ABLIM2: variants seen among roughly 807,000 people sequenced by gnomAD.
ABLIM2 encodes actin binding LIM protein family member 2.
ABLIM2 carries 53 observed loss-of-function variants against 97.7 expected under a neutral mutation model. The ratio of observed to expected loss-of-function variants is 0.54; its 90% CI spans 0.44 to 0.68. The LOEUF is 0.68. ABLIM2 is among the 30% of genes least tolerant of loss of function. ABLIM2 has a pLI of 0.00. For synonymous variants in ABLIM2, 361 were observed against 345.8 expected, an observed-to-expected ratio of 1.04 and a Z score of -0.49; for missense variants, 835 against 867.2, an observed-to-expected ratio of 0.96 and a Z score of 0.47.
rs962593508 is a variant in ABLIM2, at chr4:8,033,381, C to T, written c.1047+2768G>A. On this transcript the variant is annotated intron_variant, in intron 10 of 20. Coordinates refer to ENST00000447017, the MANE Select transcript of ABLIM2 (RefSeq NM_001130083.2). The surrounding 1 kb of genome is among the most constrained non-coding windows in gnomAD (Gnocchi z 4.5). The stretch of plus-strand genomic sequence containing the variant: ...CTCGACGGCCTCTGGGAGGCTGCCA[C>T]GGGCCCTGTGAAGCCCTGTGCCATG... Among the ~76,000 whole-genome samples, 7 of 152,178 alleles carry T rather than the reference C, an allele frequency of 4.6e-5. No homozygotes were observed. Among genetic ancestry groups the T allele is most frequent in the Non-Finnish European group, 8.8e-5 (6 of 68,026 alleles).
intron 8 of ABLIM2, among the ~76,000 whole-genome samples, chr4:8,047,273 C>T (rs1050625938): frequency 2.6e-5 from 4 of 152,160 alleles, no homozygotes; most frequent in Non-Finnish European, 4.4e-5. Context: ...CCTCTGCACT[C>T]GCCTCCGCTC....
chr4:8,048,649 T>G (rs927026322), intron 8 of ABLIM2, among the ~76,000 whole-genome samples: 1 of 152,048 alleles, frequency 6.6e-6, no homozygotes, highest in Non-Finnish European at 1.5e-5. Flanking sequence ...CCGCGTTTGG[T>G]CTCCACAAGC....
chr4:8,118,934 C>T (rs1411010333), intron 1 of ABLIM2, among the ~76,000 whole-genome samples: 1 of 152,212 alleles, frequency 6.6e-6, no homozygotes, highest in Non-Finnish European at 1.5e-5. Context: ...CCTTATTTTA[C>T]AGACGCAAAA....
rs572502829 is a variant in ABLIM2 at position 8,021,289 on chromosome 4, G to A, written c.1268-986C>T. ...GTTGGATTATCAAGTCACGCATCCA[G>A]AGGGCCGAGGTGACCTGGGTGACGC... On this transcript the variant is annotated intron_variant, in intron 12 of 20. Coordinates refer to ENST00000447017, the MANE Select transcript of ABLIM2 (RefSeq NM_001130083.2). This position sits in a 1 kb window ranked among gnomAD's most constrained non-coding sequence, Gnocchi z 5.5. 4.3e-4 allele frequency among the ~76,000 whole-genome samples: 65 copies of A among 152,316 alleles called. No individual in the cohort carries two copies. Among genetic ancestry groups the A allele is most frequent in the African/African-American group, 1.5e-3 (61 of 41,576 alleles).
chr4:8,107,979 G>A (rs1838304423), intron 1 of ABLIM2, among the ~76,000 whole-genome samples: 1 of 152,218 alleles, frequency 6.6e-6, no homozygotes, highest in African/African-American at 2.4e-5. Context: ...TTGGGAACTA[G>A]AAAAGGCAAG....
intron 12 of ABLIM2, among the ~76,000 whole-genome samples, chr4:8,024,100 CG>C (rs1023526398): frequency 2.6e-5 from 4 of 152,184 alleles, no homozygotes; most frequent in Non-Finnish European, 4.4e-5. Context: ...GAGGCGCTGC[CG>C]GGGTCTGGGC....
At position 8,067,852 on chromosome 4, in the gene ABLIM2, G is replaced by C. The variant is rs780620880; in HGVS notation, c.676-6798C>G. The C allele has an allele frequency of 1.3e-5, 2 of 152,238 alleles. No homozygotes were observed. Among genetic ancestry groups the C allele is most frequent in the Non-Finnish European group, 2.9e-5 (2 of 68,068 alleles). The allele number at this position is 152,238 out of a possible 1,614,324, so 9.4% of individuals were successfully genotyped here. ...CCCCGTGTATAAGATGGAGAGGACT[G>C]TCCCTCCCTCTCAGGCTGGGGTAGT... On this transcript the variant is annotated intron_variant, in intron 6 of 20. Coordinates refer to ENST00000447017, the MANE Select transcript of ABLIM2 (RefSeq NM_001130083.2). This position sits in a 1 kb window ranked among gnomAD's most constrained non-coding sequence, Gnocchi z 5.4.
intron 3 of ABLIM2, among the ~76,000 whole-genome samples, chr4:8,089,545 G>A (rs938175204): frequency 2.0e-5 from 3 of 152,044 alleles, no homozygotes; most frequent in African/African-American, 7.2e-5. Flanking sequence ...GACCAGCCTG[G>A]CCAGTGTGGT....
At position 8,130,935 on chromosome 4, in the gene ABLIM2, C is replaced by A. The variant is rs1849266308; in HGVS notation, c.11-24298G>T. On this transcript the variant is annotated intron_variant, in intron 1 of 20. Coordinates refer to ENST00000447017, the MANE Select transcript of ABLIM2 (RefSeq NM_001130083.2). The surrounding 1 kb of genome is among the most constrained non-coding windows in gnomAD (Gnocchi z 4.2). Reference sequence around the variant, plus strand: ...AAGGTGGCCCCAGGGCTGAGCTCCCCCAAAGGCTCTAGGGGAGGCTGCCGT... The same window carrying A: ...AAGGTGGCCCCAGGGCTGAGCTCCCACAAAGGCTCTAGGGGAGGCTGCCGT... Among the ~76,000 whole-genome samples the A allele has an allele frequency of 6.6e-6, 1 of 152,142 alleles. No homozygotes were observed. Among genetic ancestry groups the A allele is most frequent in the Non-Finnish European group, 1.5e-5 (1 of 68,024 alleles).
At chr4:8,060,937 G>A (rs1175751924) in intron 7 of ABLIM2, 30 bp downstream of exon 7, 2 of 1,541,534 alleles carry the variant, frequency 1.3e-6, no homozygotes, top group Admixed American at 1.9e-5. Context: ...CCTTGCTCTA[G>A]GGGACCAAAC....
At chr4:8,097,312 C>T (rs377518470) in intron 2 of ABLIM2, 30 bp from the exon 3 acceptor site, 42 of 1,549,034 alleles carry the variant, frequency 2.7e-5, no homozygotes, top group Middle Eastern at 1.9e-4. Flanking sequence ...GTGGCGTTAG[C>T]GGCAGAGGGG....
intron 2 of ABLIM2, among the ~76,000 whole-genome samples, chr4:8,102,877 C>A (rs547128272): frequency 2.6e-5 from 4 of 152,280 alleles, no homozygotes; most frequent in African/African-American, 9.6e-5. Context: ...TGGGGGTGAA[C>A]GTGTGACCGA....
At chr4:8,010,378 C>G in intron 14 of ABLIM2, 2 of 985,866 alleles carry the variant, frequency 2.0e-6, no homozygotes, top group Non-Finnish European at 2.4e-6. Flanking sequence ...CGTCCCCAGC[C>G]CGCCACGAAG....
chr4:8,037,351 CAT>C (rs375785620), intron 9 of ABLIM2, among the ~76,000 whole-genome samples: 96 of 151,788 alleles, frequency 6.3e-4, no homozygotes, highest in African/African-American at 2.2e-3. Context: ...CACACACACA[CAT>C]AAGGCACACA....
intron 6 of ABLIM2, among the ~76,000 whole-genome samples, chr4:8,063,434 C>T (rs780155043): frequency 2.4e-4 from 36 of 152,236 alleles, no homozygotes; most frequent in Non-Finnish European, 4.7e-4. Context: ...CTCCACAGCT[C>T]GGGCCAAGAA....
intron 17 of ABLIM2, among the ~76,000 whole-genome samples, chr4:7,990,484 C>T (rs1747813458): frequency 6.6e-6 from 1 of 152,126 alleles, no homozygotes; most frequent in Non-Finnish European, 1.5e-5. Flanking sequence ...CCACGCCCCA[C>T]CTCTCATGTA....
At chr4:8,011,317 GCA>G (rs1286179393) in intron 14 of ABLIM2, among the ~76,000 whole-genome samples, 1 of 152,236 alleles carries the variant, frequency 6.6e-6, no homozygotes, top group Non-Finnish European at 1.5e-5. Context: ...CTCCAGATGT[GCA>G]CAGTTTAACC....
At chr4:8,074,970 G>A (rs969799553) in intron 6 of ABLIM2, among the ~76,000 whole-genome samples, 4 of 152,172 alleles carry the variant, frequency 2.6e-5, no homozygotes, top group Non-Finnish European at 5.9e-5. Flanking sequence ...AGTTGTAGTA[G>A]AGACGGGGTT....
intron 3 of ABLIM2, among the ~76,000 whole-genome samples, chr4:8,092,965 C>T (rs987830712): frequency 1.3e-5 from 2 of 152,140 alleles, no homozygotes; most frequent in Non-Finnish European, 2.9e-5. Context: ...TCTCCTGCCT[C>T]GGCCTTCCAA....
Sources: gnomAD v4.1 joint callset for allele counts (sites outside exome capture counted in the v4.1 genomes callset) on GRCh38, gnomAD v4.1.1 for gene constraint, Gnocchi (gnomAD v3.1) non-coding constraint, MANE v1.5 for transcripts, NCBI Gene and HGNC (gene_info 2026-07-23, HGNC 2026-07-21) for gene names.